Variants in SUPT3H observed in about 807,000 individuals in gnomAD.
SUPT3H encodes transcription initiation protein SPT3 homolog.
SUPT3H carries 44 observed loss-of-function variants against 44.3 expected under a neutral mutation model. That is an observed-to-expected ratio of 0.99 (90% confidence interval 0.78 to 1.28). SUPT3H has a LOEUF of 1.28. Ranked by LOEUF, SUPT3H falls within the 50% of genes most tolerant of loss-of-function variation. SUPT3H has a pLI of 0.00. For synonymous variants in SUPT3H, 124 were observed against 125.6 expected (o/e 0.99, Z 0.09); for missense variants, 380 against 387.1 (o/e 0.98, Z 0.15).
chr6:44,903,300 GAA>G (rs1562007634), intron 10 of SUPT3H, among the ~76,000 whole-genome samples: 1 of 151,966 alleles, frequency 6.6e-6, no homozygotes, highest in Non-Finnish European at 1.5e-5. Context: ...TAATAAAGAA[GAA>G]AAGAGAGAAG....
Position 45,166,817 on chromosome 6 carries a change from CACTT to C in SUPT3H, c.102-60815_102-60812del, listed in dbSNP as rs1809955933. Among the ~76,000 whole-genome samples, 3 of 152,122 alleles carry C rather than the reference CACTT, an allele frequency of 2.0e-5. 1 individual carries two copies. In the South Asian group the frequency reaches 6.2e-4, roughly 31 times the overall value. ...CATTAGGGAATGCAAATTAAAACAA[CACTT>C]ACACACCATTACATACCCACTAGAA... On this transcript the variant is annotated intron_variant, in intron 2 of 10. Coordinates refer to ENST00000371459, the MANE Select transcript of SUPT3H (RefSeq NM_003599.4).
At chr6:44,976,904 C>T (rs1562181084) in intron 6 of SUPT3H, among the ~76,000 whole-genome samples, 2 of 152,190 alleles carry the variant, frequency 1.3e-5, no homozygotes, top group Non-Finnish European at 2.9e-5. Context: ...CCTCTGCAAT[C>T]ATAAGTGCAA....
intron 2 of SUPT3H, among the ~76,000 whole-genome samples, chr6:45,280,116 T>C (rs893180266): frequency 3.3e-5 from 5 of 152,162 alleles, no homozygotes; most frequent in Non-Finnish European, 5.9e-5. Context: ...ACTGCAAAAA[T>C]ATGTATGTCT....
At chr6:44,917,175 T>C (rs1008226463) in intron 10 of SUPT3H, among the ~76,000 whole-genome samples, 1 of 152,022 alleles carries the variant, frequency 6.6e-6, no homozygotes, top group Non-Finnish European at 1.5e-5. Context: ...AAAAAATTGC[T>C]AATTTTAACA....
chr6:44,973,617 T>C (rs145887667), intron 6 of SUPT3H, among the ~76,000 whole-genome samples: 175 of 152,326 alleles, frequency 1.1e-3, no homozygotes, highest in African/African-American at 4.0e-3. Flanking sequence ...TCAGGTATTT[T>C]TACAGCAGCA....
chr6:45,242,548 T>C (rs1333379595), intron 2 of SUPT3H, among the ~76,000 whole-genome samples: 1 of 152,196 alleles, frequency 6.6e-6, no homozygotes, highest in Non-Finnish European at 1.5e-5. Flanking sequence ...TAGACATCAC[T>C]GAATACAATA....
chr6:45,249,451 CA>C (rs563551913), intron 2 of SUPT3H, among the ~76,000 whole-genome samples: 199 of 136,106 alleles, frequency 1.5e-3, no homozygotes, highest in Middle Eastern at 3.8e-3. Context: ...AACAGACACA[CA>C]AAAAAAAAAA....
intron 5 of SUPT3H, among the ~76,000 whole-genome samples, chr6:45,014,297 C>T (rs981626979): frequency 1.3e-5 from 2 of 152,054 alleles, no homozygotes; most frequent in African/African-American, 4.8e-5. Context: ...CTCTTACCAT[C>T]CCAAACTTCA....
chr6:45,256,150 G>A (rs1356992942), intron 2 of SUPT3H, among the ~76,000 whole-genome samples: 1 of 152,144 alleles, frequency 6.6e-6, no homozygotes, highest in Non-Finnish European at 1.5e-5. Context: ...CAGCCTGGGC[G>A]ACAGTGCAAG....
chr6:45,099,511 G>C (rs1798256028), intron 3 of SUPT3H, among the ~76,000 whole-genome samples: 1 of 152,082 alleles, frequency 6.6e-6, no homozygotes, highest in Non-Finnish European at 1.5e-5. Flanking sequence ...TTAGAGACAT[G>C]AATATAGAAA....
At chr6:44,816,609 A>G (rs1766928541) in intron 11 of SUPT3H, among the ~76,000 whole-genome samples, 1 of 152,236 alleles carries the variant, frequency 6.6e-6, no homozygotes, top group African/African-American at 2.4e-5. Flanking sequence ...CTTCCAGAAC[A>G]TAGAAAAGGA....
intron 2 of SUPT3H, among the ~76,000 whole-genome samples, chr6:45,212,844 T>C (rs1309398465): frequency 1.3e-5 from 2 of 152,162 alleles, no homozygotes; most frequent in African/African-American, 4.8e-5. Context: ...TCCTTCTGTT[T>C]ACAGGTGATG....
intron 3 of SUPT3H, among the ~76,000 whole-genome samples, chr6:45,044,109 TAATAA>T (rs1448291215): frequency 6.6e-6 from 1 of 152,206 alleles, no homozygotes; most frequent in East Asian, 1.9e-4. Flanking sequence ...CTAATGCTGC[TAATAA>T]AATAGCAGTA....
At chr6:44,993,541 G>T (rs1780877882) in intron 6 of SUPT3H, among the ~76,000 whole-genome samples, 1 of 152,058 alleles carries the variant, frequency 6.6e-6, no homozygotes. Context: ...CTATAGCTAT[G>T]GGTAAAATGT....
At chr6:45,123,985 AC>A (rs1697212565) in intron 2 of SUPT3H, among the ~76,000 whole-genome samples, 1 of 152,170 alleles carries the variant, frequency 6.6e-6, no homozygotes, top group Admixed American at 6.5e-5. Context: ...AGGCTGCTGA[AC>A]AAAAACAGGG....
chr6:44,876,396 C>G (rs1439960648), intron 10 of SUPT3H, among the ~76,000 whole-genome samples: 1 of 101,484 alleles, frequency 9.9e-6, no homozygotes, highest in African/African-American at 3.7e-5. Context: ...AGTAAACTAT[C>G]GCAAGAACAA....
At chr6:45,177,356 G>A (rs1812149063) in intron 2 of SUPT3H, among the ~76,000 whole-genome samples, 1 of 152,046 alleles carries the variant, frequency 6.6e-6, no homozygotes. Flanking sequence ...AAGTGAGAAG[G>A]GAAGTTTAGA....
At chr6:45,232,832 G>T (rs1017281848) in intron 2 of SUPT3H, among the ~76,000 whole-genome samples, 7 of 152,164 alleles carry the variant, frequency 4.6e-5, no homozygotes, top group Non-Finnish European at 7.4e-5. Context: ...CCCACTGCCA[G>T]TGAGGGTGCC....
chr6:45,362,266 C>T (rs1448008871), intron 2 of SUPT3H, among the ~76,000 whole-genome samples: 1 of 152,140 alleles, frequency 6.6e-6, no homozygotes, highest in East Asian at 1.9e-4. Context: ...AGAAATGACA[C>T]TACAATATTG....
Sources: gnomAD v4.1 joint callset for allele counts (sites outside exome capture counted in the v4.1 genomes callset) on GRCh38, gnomAD v4.1.1 for gene constraint, MANE v1.5 for transcripts, NCBI Gene and HGNC (gene_info 2026-07-23, HGNC 2026-07-21) for gene names.